NSMCE1: variants seen among roughly 807,000 people sequenced by gnomAD.
NSMCE1 encodes the protein non-structural maintenance of chromosomes element 1 homolog.
In NSMCE1, 18 loss-of-function variants were observed where a neutral mutation model predicts 29.6. The observed-to-expected ratio is 0.61, with a 90% confidence interval of 0.42 to 0.90. The LOEUF is 0.90. Ranked by LOEUF, NSMCE1 falls within the 40% of genes least tolerant of loss-of-function variation. The pLI, the probability that NSMCE1 is intolerant of heterozygous loss-of-function variation, is 0.00. For synonymous variants in NSMCE1, 124 were observed against 133.4 expected, an observed-to-expected ratio of 0.93 and a Z score of 0.49; for missense variants, 314 against 343.6, an observed-to-expected ratio of 0.91 and a Z score of 0.68.
intron 2 of NSMCE1, among the ~76,000 whole-genome samples, chr16:27,243,488 A>C (rs1483859921): frequency 6.6e-6 from 1 of 152,132 alleles, no homozygotes; most frequent in Non-Finnish European, 1.5e-5. Context: ...ACTCCAACCC[A>C]AAATCTACAT....
chr16:27,257,829 T>C lies in NSMCE1; in HGVS notation c.-11-248A>G, dbSNP rs117564667. Among the ~76,000 whole-genome samples, 623 of 152,276 alleles carry C rather than the reference T, an allele frequency of 4.1e-3. 4 individuals carry two copies. Among genetic ancestry groups the C allele is most frequent in the East Asian group, 0.021 (111 of 5,178 alleles). On this transcript the variant is annotated intron_variant, in intron 1 of 7. Transcript: ENST00000361439. ...GCCTGGCTCTCCCACTTACTAGGCG[T>C]GTGAGATTGAGCAACTTAGTCCCCA...
chr16:27,252,477 A>G (rs2084044993), intron 2 of NSMCE1, among the ~76,000 whole-genome samples: 1 of 152,140 alleles, frequency 6.6e-6, no homozygotes, highest in South Asian at 2.1e-4. Flanking sequence ...TCAATAATCA[A>G]CAGGCCCTAT....
At chr16:27,254,711 G>A (rs2084067303) in intron 2 of NSMCE1, among the ~76,000 whole-genome samples, 2 of 151,808 alleles carry the variant, frequency 1.3e-5, no homozygotes, top group South Asian at 4.2e-4. Context: ...TCAGCTTCCT[G>A]GGTAGCTAGG....
At chr16:27,246,094 C>G (rs1317891334) in intron 2 of NSMCE1, among the ~76,000 whole-genome samples, 1 of 152,126 alleles carries the variant, frequency 6.6e-6, no homozygotes, top group African/African-American at 2.4e-5. Context: ...GGAAACAAAC[C>G]CGGGATGAAG....
At chr16:27,226,691 T>G in intron 6 of NSMCE1, 29 bp downstream of exon 6, 493 of 1,435,994 alleles carry the variant, frequency 3.4e-4, no homozygotes, top group Non-Finnish European at 4.4e-4. Context: ...GGCCCAGTGA[T>G]GAGCTCCCGT....
intron 2 of NSMCE1, among the ~76,000 whole-genome samples, chr16:27,251,098 C>T (rs1478771221): frequency 3.4e-5 from 5 of 145,578 alleles, no homozygotes; most frequent in Non-Finnish European, 4.5e-5. Context: ...ACCTCAGCCT[C>T]CCAAAGTGCT....
intron 2 of NSMCE1, among the ~76,000 whole-genome samples, chr16:27,246,044 G>C (rs1473453246): frequency 6.6e-6 from 1 of 152,320 alleles, no homozygotes; most frequent in East Asian, 1.9e-4. Context: ...AGTCCAGCGT[G>C]AGACGACGAA....
chr16:27,234,406 G>A, intron 3 of NSMCE1, 141 bp from the exon 4 acceptor site: 1 of 679,940 alleles, frequency 1.5e-6, no homozygotes, highest in South Asian at 1.7e-5. Flanking sequence ...CGCAGGGATG[G>A]ATCTGTAACC....
intron 2 of NSMCE1, among the ~76,000 whole-genome samples, chr16:27,252,152 T>C (rs572376493): frequency 3.0e-4 from 46 of 152,338 alleles, no homozygotes; most frequent in African/African-American, 1.1e-3. Context: ...CTGAGTCATA[T>C]AGGTGATAGA....
chr16:27,241,993 T>C (rs891458599), intron 2 of NSMCE1: 1 of 346,016 alleles, frequency 2.9e-6, no homozygotes, highest in African/African-American at 2.1e-5. Context: ...AGAAAAAAAT[T>C]CTTACATATA....
In NSMCE1 at chr16:27,232,135, G is replaced by C. The variant is rs550443761; in HGVS notation, c.483+866C>G. Among the ~76,000 whole-genome samples, 1 of 152,208 alleles carries C rather than the reference G, an allele frequency of 6.6e-6. No individual in the cohort carries two copies. The highest frequency in any genetic ancestry group is 2.1e-4 in the South Asian group (1 of 4,820). On this transcript the variant is annotated intron_variant, in intron 5 of 7. Coordinates refer to ENST00000361439, the MANE Select transcript of NSMCE1 (RefSeq NM_145080.4). This position sits in a 1 kb window ranked among gnomAD's most constrained non-coding sequence, Gnocchi z 4.5. ...CTTCCTGAAAAGGAAGCGGAGAATCGCTGCAGCCACAAGCAGCAGCCTCTG... is the reference window on the plus strand; with the variant it reads ...CTTCCTGAAAAGGAAGCGGAGAATCCCTGCAGCCACAAGCAGCAGCCTCTG...
At chr16:27,229,599 A>C (rs1056794278) in intron 5 of NSMCE1, among the ~76,000 whole-genome samples, 4 of 152,100 alleles carry the variant, frequency 2.6e-5, no homozygotes, top group Non-Finnish European at 4.4e-5. Context: ...TTTGAGACAG[A>C]GTTTCGCTCT....
chr16:27,252,113 T>C (rs1019240653), intron 2 of NSMCE1, among the ~76,000 whole-genome samples: 1 of 152,224 alleles, frequency 6.6e-6, no homozygotes, highest in Non-Finnish European at 1.5e-5. Context: ...AGGTTCCTGG[T>C]ACAGAACTTC....
intron 2 of NSMCE1, among the ~76,000 whole-genome samples, chr16:27,249,830 G>C (rs528645504): frequency 9.2e-5 from 14 of 152,094 alleles, no homozygotes; most frequent in African/African-American, 3.4e-4. Flanking sequence ...GGATTTCTTT[G>C]AATCTATAGA....
At position 27,225,150 on chromosome 16, in the gene NSMCE1, A is replaced by C; in HGVS notation, c.*7T>G. ...AAGGCAGCCAGCCCCTCAGCAGGGC[A>C]CGATGGCTAATGCTGCCTGGACCGC... is the stretch of plus-strand genomic sequence containing the variant. On this transcript the variant is annotated 3_prime_UTR_variant, in exon 8 of 8. Transcript: ENST00000361439. 1 of 1,573,820 alleles carries C rather than the reference A, an allele frequency of 6.4e-7. No homozygotes were observed. Among genetic ancestry groups the C allele is most frequent in the Non-Finnish European group, 8.7e-7 (1 of 1,149,712 alleles).
chr16:27,247,123 A>G (rs1306813359), intron 2 of NSMCE1, among the ~76,000 whole-genome samples: 1 of 152,132 alleles, frequency 6.6e-6, no homozygotes, highest in Non-Finnish European at 1.5e-5. Context: ...ATCACCCCCA[A>G]TATGGTTTGG....
intron 2 of NSMCE1, among the ~76,000 whole-genome samples, chr16:27,244,780 G>T (rs185644568): frequency 2.0e-5 from 3 of 152,318 alleles, no homozygotes; most frequent in Admixed American, 6.5e-5. Flanking sequence ...CCGAGTTACG[G>T]TCTTTCTCTT....
At chr16:27,267,898 C>T (rs1299253974) in intron 1 of NSMCE1, among the ~76,000 whole-genome samples, 4 of 151,988 alleles carry the variant, frequency 2.6e-5, no homozygotes, top group African/African-American at 9.7e-5. Context: ...CGCACCACCA[C>T]GCCCGGCTAA....
intron 1 of NSMCE1, among the ~76,000 whole-genome samples, chr16:27,267,506 A>C (rs1246580823): frequency 6.6e-6 from 1 of 152,044 alleles, no homozygotes; most frequent in African/African-American, 2.4e-5. Context: ...TTTCAAGGAC[A>C]CTCTCTATCC....
Sources: allele counts gnomAD v4.1 joint callset (sites outside exome capture counted in the v4.1 genomes callset), GRCh38; gene constraint gnomAD v4.1.1; non-coding constraint Gnocchi (gnomAD v3.1); transcripts MANE v1.5; gene names NCBI Gene and HGNC (gene_info 2026-07-23, HGNC 2026-07-21).